Variants in LRP1B observed in about 807,000 individuals in gnomAD.
The protein encoded by LRP1B is low-density lipoprotein receptor-related protein 1B.
LRP1B carries 217 observed loss-of-function variants against 556.6 expected under a neutral mutation model. That is an observed-to-expected ratio of 0.39 (90% CI 0.35 to 0.44). The LOEUF (loss-of-function observed/expected upper bound fraction) is 0.44. Ranked by LOEUF, LRP1B falls within the 20% of genes least tolerant of loss-of-function variation. The probability of loss-of-function intolerance (pLI) is 1.00; values close to 1 mark genes in which losing one functional copy is unlikely to be tolerated. For synonymous variants in LRP1B, 2,047 were observed against 1,865.8 expected (o/e 1.10, Z -2.50); for missense variants, 5,053 against 5,620.8 (o/e 0.90, Z 3.23).
intron 1 of LRP1B, among the ~76,000 whole-genome samples, chr2:141,958,706 T>C (rs563542351): frequency 6.6e-6 from 1 of 152,118 alleles, no homozygotes; most frequent in African/African-American, 2.4e-5. Context: ...GAGGTGTTTC[T>C]TTCCCTAAAA....
At chr2:141,792,720 A>T (rs1200321360) in intron 2 of LRP1B, among the ~76,000 whole-genome samples, 1 of 152,032 alleles carries the variant, frequency 6.6e-6, no homozygotes, top group East Asian at 1.9e-4. Flanking sequence ...TATGACACAC[A>T]AATCAGAACC....
At chr2:141,321,991 C>T (rs1273019315) in intron 3 of LRP1B, among the ~76,000 whole-genome samples, 2 of 152,094 alleles carry the variant, frequency 1.3e-5, no homozygotes, top group African/African-American at 2.4e-5. Context: ...TACCTCTTCT[C>T]ATGGGGTCCC....
At chr2:141,708,074 T>C (rs1692212736) in intron 2 of LRP1B, among the ~76,000 whole-genome samples, 1 of 152,144 alleles carries the variant, frequency 6.6e-6, no homozygotes, top group South Asian at 2.1e-4. Context: ...AAGAAAATGA[T>C]GGGGAGTAAA....
chr2:141,590,601 G>T (rs971242468), intron 2 of LRP1B, among the ~76,000 whole-genome samples: 4 of 151,916 alleles, frequency 2.6e-5, no homozygotes, highest in Non-Finnish European at 5.9e-5. Context: ...GTGAAACAAG[G>T]CCCCAGTTCC....
chr2:141,524,773 G>C (rs1684639612), intron 2 of LRP1B, among the ~76,000 whole-genome samples: 1 of 151,614 alleles, frequency 6.6e-6, no homozygotes, highest in African/African-American at 2.4e-5. Flanking sequence ...GAAAGAGAGA[G>C]AGAGACAGAG....
chr2:140,572,744 G>T (rs1681370856), intron 43 of LRP1B, among the ~76,000 whole-genome samples: 1 of 149,310 alleles, frequency 6.7e-6, no homozygotes, highest in Non-Finnish European at 1.5e-5. Context: ...CATCAGCAGG[G>T]CAATAGATAA....
At chr2:141,390,073 G>T (rs576437559) in intron 3 of LRP1B, among the ~76,000 whole-genome samples, 50 of 152,252 alleles carry the variant, frequency 3.3e-4, no homozygotes, top group African/African-American at 1.2e-3. Context: ...GGGAGGTGGA[G>T]CTTGCAGTGA....
At chr2:141,292,088 C>T (rs571694903) in intron 3 of LRP1B, among the ~76,000 whole-genome samples, 1 of 152,152 alleles carries the variant, frequency 6.6e-6, no homozygotes, top group Non-Finnish European at 1.5e-5. Flanking sequence ...GCTCCACCTC[C>T]TGTCAGATCA....
intron 66 of LRP1B, among the ~76,000 whole-genome samples, chr2:140,428,567 G>T (rs1015529100): frequency 1.3e-5 from 2 of 152,074 alleles, no homozygotes; most frequent in Non-Finnish European, 2.9e-5. Flanking sequence ...CTGGCCCAAG[G>T]CTCTGACTCC....
chr2:140,291,316 A>ATTTTTTTT (rs946522615), intron 84 of LRP1B, among the ~76,000 whole-genome samples: 1,766 of 68,712 alleles, frequency 0.026, 73 homozygotes, highest in African/African-American at 0.08. Context: ...ATATATATAT[A>ATTTTTTTT]TATTTTTATT....
intron 43 of LRP1B, among the ~76,000 whole-genome samples, chr2:140,545,226 T>C (rs1387899734): frequency 6.6e-6 from 1 of 151,930 alleles, no homozygotes; most frequent in Non-Finnish European, 1.5e-5. Context: ...TTTTCTTCCA[T>C]TCTGTAGGTG....
intron 43 of LRP1B, among the ~76,000 whole-genome samples, chr2:140,584,704 A>G (rs1255307958): frequency 6.6e-6 from 1 of 152,092 alleles, no homozygotes; most frequent in Non-Finnish European, 1.5e-5. Context: ...TTAATTTGCA[A>G]GACTAACCAA....
intron 6 of LRP1B, among the ~76,000 whole-genome samples, chr2:141,190,631 A>C (rs1387649419): frequency 6.6e-6 from 1 of 152,024 alleles, no homozygotes; most frequent in Non-Finnish European, 1.5e-5. Flanking sequence ...AGGTTAGACC[A>C]GCAATACTGG....
chr2:140,825,147 A>C (rs759752601), intron 31 of LRP1B, among the ~76,000 whole-genome samples: 1 of 152,172 alleles, frequency 6.6e-6, no homozygotes, highest in Non-Finnish European at 1.5e-5. Flanking sequence ...GAGGTCAGGG[A>C]AGGGTTCTTG....
At chr2:140,873,754 A>T (rs1693213208) in intron 25 of LRP1B, among the ~76,000 whole-genome samples, 1 of 151,878 alleles carries the variant, frequency 6.6e-6, no homozygotes, top group Non-Finnish European at 1.5e-5. Flanking sequence ...TATATATTTC[A>T]TTATTTAGGT....
chr2:141,322,200 A>G (rs1687266786), intron 3 of LRP1B, among the ~76,000 whole-genome samples: 1 of 152,112 alleles, frequency 6.6e-6, no homozygotes, highest in Non-Finnish European at 1.5e-5. Flanking sequence ...TTATCAATCC[A>G]TGACAAGAGA....
At chr2:140,495,313 CTTTTT>C (rs10536858) in intron 56 of LRP1B, among the ~76,000 whole-genome samples, 3 of 133,736 alleles carry the variant, frequency 2.2e-5, no homozygotes, top group Admixed American at 7.7e-5. Context: ...AGAGATAGTT[CTTTTT>C]TTTTTTTTTT....
intron 29 of LRP1B, among the ~76,000 whole-genome samples, chr2:140,846,834 A>G (rs1692288509): frequency 6.6e-6 from 1 of 152,178 alleles, no homozygotes; most frequent in South Asian, 2.1e-4. Flanking sequence ...AAGTACAATT[A>G]CTGGTGGAAT....
chr2:141,659,203 A>T (rs1690122746), intron 2 of LRP1B, among the ~76,000 whole-genome samples: 1 of 152,200 alleles, frequency 6.6e-6, no homozygotes, highest in Non-Finnish European at 1.5e-5. Flanking sequence ...GTACCAGGCC[A>T]TATGACTATT....
Sources: gnomAD v4.1 joint callset for allele counts (sites outside exome capture counted in the v4.1 genomes callset) on GRCh38, gnomAD v4.1.1 for gene constraint, MANE v1.5 for transcripts, NCBI Gene and HGNC (gene_info 2026-07-23, HGNC 2026-07-21) for gene names.